Variants in GNA14 observed in about 807,000 individuals in gnomAD.
The protein encoded by GNA14 is G protein subunit alpha 14.
A neutral mutation model predicts 42.0 loss-of-function variants in GNA14; 50 were observed. The observed-to-expected ratio is 1.19, with a 90% confidence interval of 0.95 to 1.51. The LOEUF is 1.51. Ranked by LOEUF, GNA14 falls within the 40% of genes most tolerant of loss-of-function variation. The pLI, the probability that GNA14 is intolerant of heterozygous loss-of-function variation, is 0.00. For synonymous variants in GNA14, 173 were observed against 163.1 expected, an observed-to-expected ratio of 1.06 and a Z score of -0.46; for missense variants, 473 against 446.2, an observed-to-expected ratio of 1.06 and a Z score of -0.54.
intron 1 of GNA14, among the ~76,000 whole-genome samples, chr9:77,578,190 C>T (rs751532656): frequency 6.6e-6 from 1 of 152,182 alleles, no homozygotes; most frequent in Non-Finnish European, 1.5e-5. Context: ...GCAGGAGAAT[C>T]GCTTGAACCT....
chr9:77,627,848 C>T (rs1485083593), intron 1 of GNA14, among the ~76,000 whole-genome samples: 1 of 152,166 alleles, frequency 6.6e-6, no homozygotes, highest in African/African-American at 2.4e-5. Context: ...AGGATACCCT[C>T]TCTCACCACC....
At chr9:77,612,351 TCTC>T (rs1278887464) in intron 1 of GNA14, among the ~76,000 whole-genome samples, 1 of 152,058 alleles carries the variant, frequency 6.6e-6, no homozygotes, top group African/African-American at 2.4e-5. Flanking sequence ...TGGGAAAAGT[TCTC>T]CTCTAAGATC....
chr9:77,531,367 A>G (rs1278832966), intron 1 of GNA14, among the ~76,000 whole-genome samples: 1 of 152,228 alleles, frequency 6.6e-6, no homozygotes, highest in Non-Finnish European at 1.5e-5. Flanking sequence ...CCACCATTTC[A>G]TAATGACTCT....
At chr9:77,470,850 A>C (rs1020916458) in intron 2 of GNA14, among the ~76,000 whole-genome samples, 2 of 152,116 alleles carry the variant, frequency 1.3e-5, no homozygotes, top group Admixed American at 1.3e-4. Flanking sequence ...AGAAAGAGAG[A>C]GCCAAGGGAG....
intron 2 of GNA14, among the ~76,000 whole-genome samples, chr9:77,461,288 C>T (rs1173685173): frequency 6.6e-6 from 1 of 152,212 alleles, no homozygotes; most frequent in Non-Finnish European, 1.5e-5. Context: ...TCTCGGCTCC[C>T]ACCCCAGATA....
At chr9:77,501,493 T>C (rs1003043646) in intron 2 of GNA14, among the ~76,000 whole-genome samples, 1 of 152,218 alleles carries the variant, frequency 6.6e-6, no homozygotes, top group African/African-American at 2.4e-5. Context: ...TTGCCATCTG[T>C]ATATCTTCTT....
chr9:77,474,546 G>A (rs78747317), intron 2 of GNA14, among the ~76,000 whole-genome samples: 4,007 of 152,300 alleles, frequency 0.026, 173 homozygotes, highest in African/African-American at 0.09. Flanking sequence ...TCATACATGG[G>A]TGAGACTATA....
chr9:77,592,148 C>T (rs754037479), intron 1 of GNA14, among the ~76,000 whole-genome samples: 9 of 152,046 alleles, frequency 5.9e-5, no homozygotes, highest in African/African-American at 1.2e-4. Context: ...GTGATCCGCC[C>T]GCCTCAGCCT....
intron 2 of GNA14, among the ~76,000 whole-genome samples, chr9:77,481,336 A>C (rs190300311): frequency 1.3e-5 from 2 of 152,196 alleles, no homozygotes; most frequent in East Asian, 3.8e-4. Context: ...CAGGTTGTTC[A>C]GTTTCCTTGT....
chr9:77,589,953 G>A (rs1404225676), intron 1 of GNA14, among the ~76,000 whole-genome samples: 3 of 152,128 alleles, frequency 2.0e-5, no homozygotes, highest in African/African-American at 7.2e-5. Flanking sequence ...GTCTTGCTCT[G>A]TCACCCAGGC....
chr9:77,439,536 C>T (rs1835692081), intron 2 of GNA14, among the ~76,000 whole-genome samples: 1 of 152,188 alleles, frequency 6.6e-6, no homozygotes, highest in Non-Finnish European at 1.5e-5. Flanking sequence ...ACTCAGGAGG[C>T]TGAGGTGGGA....
intron 2 of GNA14, among the ~76,000 whole-genome samples, chr9:77,497,468 C>T (rs1028008271): frequency 3.9e-5 from 6 of 152,092 alleles, no homozygotes; most frequent in South Asian, 2.1e-4. Flanking sequence ...ATGAAGACAC[C>T]ACATCCCTGA....
chr9:77,528,824 A>C lies in GNA14; in HGVS notation c.309+245T>G, dbSNP rs544407833. Among the ~76,000 whole-genome samples, 4 of 152,248 alleles carry C rather than the reference A, an allele frequency of 2.6e-5. 1 individual carries two copies. The East Asian group carries it at 7.7e-4, about 29-fold the overall frequency. On this transcript the variant is annotated intron_variant, in intron 2 of 6. Coordinates refer to ENST00000341700, the MANE Select transcript of GNA14 (RefSeq NM_004297.4). ...CTCAGCGCCGGAAATAAGGAACCTA[A>C]ATAACAGCCCAAACTTTGGAATCCC...
chr9:77,428,228 A>G (rs900032716), intron 5 of GNA14, among the ~76,000 whole-genome samples: 28 of 151,544 alleles, frequency 1.8e-4, no homozygotes, highest in African/African-American at 3.4e-4. Context: ...ACAGGCGCCC[A>G]CCACCACGCC....
At chr9:77,645,108 C>A (rs1410533333) in intron 1 of GNA14, among the ~76,000 whole-genome samples, 1 of 152,214 alleles carries the variant, frequency 6.6e-6, no homozygotes, top group East Asian at 1.9e-4. Flanking sequence ...CAGGATACTG[C>A]ACTTCAGAAA....
intron 1 of GNA14, among the ~76,000 whole-genome samples, chr9:77,530,935 T>A (rs1412516109): frequency 6.6e-6 from 1 of 152,208 alleles, no homozygotes; most frequent in Non-Finnish European, 1.5e-5. Context: ...AGATGCAGAA[T>A]TGGGGCTGGA....
chr9:77,645,923 T>G (rs549506774), intron 1 of GNA14, among the ~76,000 whole-genome samples: 1 of 152,340 alleles, frequency 6.6e-6, no homozygotes, highest in South Asian at 2.1e-4. Flanking sequence ...CTCTGGTTTG[T>G]GGGGTTCAGG....
At chr9:77,495,194 T>C (rs1466702431) in intron 2 of GNA14, among the ~76,000 whole-genome samples, 2 of 152,082 alleles carry the variant, frequency 1.3e-5, no homozygotes, top group African/African-American at 2.4e-5. Flanking sequence ...GGAAGAACTC[T>C]GTAAGATGCC....
At chr9:77,487,625 A>G (rs1394025917) in intron 2 of GNA14, among the ~76,000 whole-genome samples, 1 of 152,250 alleles carries the variant, frequency 6.6e-6, no homozygotes, top group East Asian at 1.9e-4. Flanking sequence ...ACAGATAGGC[A>G]CTACTGAGTC....
Sources: allele counts gnomAD v4.1 joint callset (sites outside exome capture counted in the v4.1 genomes callset), GRCh38; gene constraint gnomAD v4.1.1; transcripts MANE v1.5; gene names NCBI Gene and HGNC (gene_info 2026-07-23, HGNC 2026-07-21).